Variants in HECA observed in about 807,000 individuals in gnomAD.
The protein encoded by HECA is headcase protein homolog.
In HECA, 13 loss-of-function variants were observed where a neutral mutation model predicts 37.6. The ratio of observed to expected loss-of-function variants is 0.35; its 90% CI spans 0.23 to 0.55. The LOEUF is 0.55. Among genes scored for constraint, HECA ranks in the 20% least tolerant of loss-of-function variants. HECA has a pLI of 0.90. For synonymous variants in HECA, 307 were observed against 291.5 expected (o/e 1.05, Z -0.54); for missense variants, 527 against 701.9 (o/e 0.75, Z 2.82).
chr6:139,179,144 A>C lies in HECA; in HGVS notation c.*2039A>C, dbSNP rs760941996. On this transcript the variant is annotated 3_prime_UTR_variant, in exon 4 of 4. Transcript: ENST00000367658. ...CTTTCTGCAAACTTGTCTTTAATGCACAAAGCTGTAGTGGTGAATTAACTA... is the reference window on the plus strand; with the variant it reads ...CTTTCTGCAAACTTGTCTTTAATGCCCAAAGCTGTAGTGGTGAATTAACTA... 6.6e-6 allele frequency: 1 copy of C among 152,290 alleles called. No homozygotes were observed. Among genetic ancestry groups the C allele is most frequent in the Admixed American group, 6.5e-5 (1 of 15,296 alleles). The allele number at this position is 152,290 out of a possible 1,614,324, so 9.4% of individuals were successfully genotyped here.
intron 1 of HECA, among the ~76,000 whole-genome samples, chr6:139,149,083 T>C (rs536790944): frequency 6.6e-6 from 1 of 152,232 alleles, no homozygotes; most frequent in African/African-American, 2.4e-5. Context: ...TTCTCATTTT[T>C]CTCCTTCTGG....
At chr6:139,152,933 G>A (rs1395700124) in intron 1 of HECA, 1 of 152,190 alleles carries the variant, frequency 6.6e-6, no homozygotes, top group African/African-American at 2.4e-5. Context: ...TTGAGGCACA[G>A]TGTGGAGCAT....
At chr6:139,157,610 T>G (rs1338997513) in intron 1 of HECA, among the ~76,000 whole-genome samples, 2 of 152,258 alleles carry the variant, frequency 1.3e-5, no homozygotes, top group African/African-American at 2.4e-5. Flanking sequence ...GAAATCTACT[T>G]CTTGCCCCTC....
At chr6:139,164,928 A>G (rs1774862060) in intron 1 of HECA, among the ~76,000 whole-genome samples, 1 of 152,118 alleles carries the variant, frequency 6.6e-6, no homozygotes, top group African/African-American at 2.4e-5. Flanking sequence ...CCATCTCTAC[A>G]TTAGCCCCTT....
rs1017710749 is a variant in HECA, at chr6:139,178,495, A to G, written c.*1390A>G. 2.5e-5 allele frequency: 3 copies of G among 121,178 alleles called. No homozygotes were observed. Among genetic ancestry groups the G allele is most frequent in the African/African-American group, 9.6e-5 (3 of 31,180 alleles). The allele number at this position is 121,178 out of a possible 1,614,324, so 7.5% of individuals were successfully genotyped here. A position where few individuals can be genotyped will look rare whatever the true frequency, so the allele number is the denominator to read the frequency against. ...ACATTTTATGTTACTCATTTGGTTT[A>G]TACTTTTTTTTTTTTTTTTTTAACT... On this transcript the variant is annotated 3_prime_UTR_variant, in exon 4 of 4. Coordinates refer to ENST00000367658, the MANE Select transcript of HECA (RefSeq NM_016217.3).
chr6:139,176,063 G>A lies in HECA; in HGVS notation c.1468-878G>A, dbSNP rs1775047679. ...GAAAGGTATAACAGTGTGAAGACGG[G>A]TTTGCTCAGAATCACACTTTTAATG... On this transcript the variant is annotated intron_variant, in intron 3 of 3. Transcript: ENST00000367658. This position sits in a 1 kb window ranked among gnomAD's most constrained non-coding sequence, Gnocchi z 4.5. 6.6e-6 allele frequency among the ~76,000 whole-genome samples: 1 copy of A among 152,196 alleles called. No individual in the cohort carries two copies. The highest frequency in any genetic ancestry group is 1.5e-5 in the Non-Finnish European group (1 of 68,040).
At position 139,176,900 on chromosome 6, in the gene HECA, A is replaced by G; in HGVS notation, c.1468-41A>G. Reference sequence around the variant, plus strand: ...TGGATGACTTTGACAAGTGTTGGGAAGTGGAGGGGTGTTGTGGCTGATGGT... The same window carrying G: ...TGGATGACTTTGACAAGTGTTGGGAGGTGGAGGGGTGTTGTGGCTGATGGT... On this transcript the variant is annotated intron_variant, in intron 3 of 3. Transcript: ENST00000367658. The surrounding 1 kb of genome is among the most constrained non-coding windows in gnomAD (Gnocchi z 4.5). 2 of 845,648 alleles carry G rather than the reference A, an allele frequency of 2.4e-6. No individual in the cohort carries two copies. Among genetic ancestry groups the G allele is most frequent in the Non-Finnish European group, 4.2e-6 (2 of 481,564 alleles). The allele number at this position is 845,648 out of a possible 1,614,324, so 52.4% of individuals were successfully genotyped here. A position where few individuals can be genotyped will look rare whatever the true frequency, so the allele number is the denominator to read the frequency against.
At chr6:139,175,108 A>C (rs533711004) in intron 3 of HECA, among the ~76,000 whole-genome samples, 30 of 152,210 alleles carry the variant, frequency 2.0e-4, no homozygotes, top group Non-Finnish European at 4.1e-4. Context: ...GCATTGTCTC[A>C]TGCTATGAGG....
At position 139,166,873 on chromosome 6, in the gene HECA, C is replaced by T. The variant is rs1774895471; in HGVS notation, c.861C>T (p.Gly287=). ...TCCTCTCTCCTGCCCACTTCAGCGG[C>T]CCCCGCTCCTCCAGATACCTCGGGG... ...YSILSPAHFS[G]PRSSRYLGEF... is the part of the protein sequence containing the mutation. Residue 287 remains glycine, a synonymous_variant, in exon 2 of 4, where the codon GGC becomes GGT. Transcript: ENST00000367658. 1.2e-6 allele frequency: 2 copies of T among 1,613,886 alleles called. No individual in the cohort carries two copies. The highest frequency in any genetic ancestry group is 2.2e-5 in the East Asian group (1 of 44,872).
Position 139,135,620 on chromosome 6 carries a change from ACGCTGCGGC to A in HECA, c.228_236del (p.Ala78_Ala80del), listed in dbSNP as rs1273884519. The A allele has an allele frequency of 2.1e-3, 1,987 of 927,618 alleles. 5 individuals carry two copies. The highest frequency in any genetic ancestry group is 2.4e-3 in the Non-Finnish European group (1,922 of 784,934). The allele number at this position is 927,618 out of a possible 1,614,324, so 57.5% of individuals were successfully genotyped here. ...GGAGGCGCGGGGACTGGCGCCGCGA[ACGCTGCGGC>A]CGCCGCGGGGGCTGCGGCCGCGGGC... On this transcript the variant is annotated inframe_deletion, in exon 1 of 4. Transcript: ENST00000367658.
chr6:139,169,458 T>C (rs921065180), intron 2 of HECA: 2 of 152,248 alleles, frequency 1.3e-5, no homozygotes, highest in Admixed American at 1.3e-4. Flanking sequence ...TAATTTCTTG[T>C]GCTACCTTTG....
rs142836696 is a variant in HECA at position 139,179,899 on chromosome 6, C to T, written c.*2794C>T. 48 of 152,152 alleles carry T rather than the reference C, an allele frequency of 3.2e-4. No individual in the cohort carries two copies. The highest frequency in any genetic ancestry group is 1.1e-3 in the African/African-American group (46 of 41,520). The allele number at this position is 152,152 out of a possible 1,614,324, so 9.4% of individuals were successfully genotyped here. A position where few individuals can be genotyped will look rare whatever the true frequency, so the allele number is the denominator to read the frequency against. On this transcript the variant is annotated 3_prime_UTR_variant, in exon 4 of 4. Coordinates refer to ENST00000367658, the MANE Select transcript of HECA (RefSeq NM_016217.3). ...GACTAATAATTTCAAAGTGATTTTT[C>T]GTCTATTCTTAATATTTTTTAATTA...
At position 139,135,504 on chromosome 6, in the gene HECA, G is replaced by A. The variant is rs982389610; in HGVS notation, c.108G>A (p.Ala36=). Residue 36 remains alanine, a synonymous_variant, in exon 1 of 4, where the codon GCG becomes GCA. Coordinates refer to ENST00000367658, the MANE Select transcript of HECA (RefSeq NM_016217.3). ...GGGCCCTGGCAGCGGCGGGCGCGGCGGGAGCGGCGGCCGGGGGGGCCCTGG... is the reference window on the plus strand; with the variant it reads ...GGGCCCTGGCAGCGGCGGGCGCGGCAGGAGCGGCGGCCGGGGGGGCCCTGG... ...GAGALAAAGA[A]GAAAGGALAA... 3.8e-5 allele frequency: 43 copies of A among 1,123,074 alleles called. No individual in the cohort carries two copies. The Admixed American group carries it at 1.2e-3, about 31-fold the overall frequency. The allele number at this position is 1,123,074 out of a possible 1,614,324, so 69.6% of individuals were successfully genotyped here. A position where few individuals can be genotyped will look rare whatever the true frequency, so the allele number is the denominator to read the frequency against.
In HECA at chr6:139,180,544, C is replaced by T. The variant is rs1357023668; in HGVS notation, c.*3439C>T. Reference sequence around the variant, plus strand: ...TGCCTAACCCAGTTCATCTCTATGTCCTGTTCACTGAATATTCCGGGTAAT... The same window carrying T: ...TGCCTAACCCAGTTCATCTCTATGTTCTGTTCACTGAATATTCCGGGTAAT... On this transcript the variant is annotated 3_prime_UTR_variant, in exon 4 of 4. Coordinates refer to ENST00000367658, the MANE Select transcript of HECA (RefSeq NM_016217.3). 6.6e-6 allele frequency: 1 copy of T among 152,570 alleles called. No individual in the cohort carries two copies. The highest frequency in any genetic ancestry group is 1.5e-5 in the Non-Finnish European group (1 of 68,020). The allele number at this position is 152,570 out of a possible 1,614,324, so 9.5% of individuals were successfully genotyped here. A position where few individuals can be genotyped will look rare whatever the true frequency, so the allele number is the denominator to read the frequency against.
At chr6:139,170,411 G>A (rs969684823) in intron 2 of HECA, 1 of 152,182 alleles carries the variant, frequency 6.6e-6, no homozygotes, top group African/African-American at 2.4e-5. Context: ...TGGATATGAT[G>A]TACATTAAGT....
chr6:139,173,943 T>C (rs559354728), intron 2 of HECA, among the ~76,000 whole-genome samples: 3 of 152,280 alleles, frequency 2.0e-5, no homozygotes, highest in East Asian at 3.9e-4. Flanking sequence ...AGACAGACTT[T>C]TGATTTTTAT....
In HECA at chr6:139,141,025, C is replaced by T. The variant is rs550537496; in HGVS notation, c.271+5358C>T. On this transcript the variant is annotated intron_variant, in intron 1 of 3. Transcript: ENST00000367658. ...CAGGATGGTCTTGATCTCCTGACAT[C>T]GAGATCCGCCCACCTCGGCCTCCCA... 3.3e-4 allele frequency among the ~76,000 whole-genome samples: 51 copies of T among 152,294 alleles called. No individual in the cohort carries two copies. In the East Asian group the frequency reaches 9.3e-3, roughly 28 times the overall value.
intron 2 of HECA, among the ~76,000 whole-genome samples, chr6:139,172,541 T>C (rs1370502660): frequency 2.6e-5 from 4 of 152,270 alleles, no homozygotes; most frequent in Non-Finnish European, 5.9e-5. Context: ...ATTGGGCTTC[T>C]TTACCACTTT....
rs1324833116 is a variant in HECA at position 139,155,696 on chromosome 6, A to C, written c.272-10588A>C. On this transcript the variant is annotated intron_variant, in intron 1 of 3. Coordinates refer to ENST00000367658, the MANE Select transcript of HECA (RefSeq NM_016217.3). ...ACATTTCCTTCAGAGCATATTATGT[A>C]GTGCATTTTCGTGCTAGGATGCTGT... is the stretch of plus-strand genomic sequence containing the variant. The C allele has an allele frequency of 2.0e-5, 3 of 152,322 alleles. No homozygotes were observed. In the East Asian group the frequency reaches 5.8e-4, roughly 29 times the overall value. The allele number at this position is 152,322 out of a possible 1,614,324, so 9.4% of individuals were successfully genotyped here.
Sources: allele counts gnomAD v4.1 joint callset (sites outside exome capture counted in the v4.1 genomes callset), GRCh38; gene constraint gnomAD v4.1.1; non-coding constraint Gnocchi (gnomAD v3.1); transcripts MANE v1.5; gene names NCBI Gene and HGNC (gene_info 2026-07-23, HGNC 2026-07-21).